The following HAO1 variants were observed in gnomAD, a reference collection of about 807,000 sequenced individuals.
HAO1 encodes the protein hydroxyacid oxidase 1.
In HAO1, 34 loss-of-function variants were observed where a neutral mutation model predicts 39.7. The observed-to-expected ratio is 0.86, with a 90% confidence interval of 0.65 to 1.14. The LOEUF (loss-of-function observed/expected upper bound fraction) is 1.14. Among genes scored for constraint, HAO1 ranks in the 50% most tolerant of loss-of-function variants. The pLI is 0.00. For missense variants in HAO1, 479 were observed against 464.5 expected (o/e 1.03, Z -0.29); for synonymous variants, 172 against 173.2 (o/e 0.99, Z 0.05).
In HAO1 at chr20:7,885,858, C is replaced by CA. The variant is rs1196577212; in HGVS notation, c.819dup (p.Val274CysfsTer26). Reference sequence around the variant, plus strand: ...ACAGCCTCCACAATTTCTGGCAGAACATCAATCTGGGGAAAGAAAAGTTCA... The same window carrying CA: ...ACAGCCTCCACAATTTCTGGCAGAACAATCAATCTGGGGAAAGAAAAGTTCA... On this transcript the variant is annotated frameshift_variant, in exon 6 of 8. Transcript: ENST00000378789. LOFTEE classifies it high-confidence loss of function. 2 of 1,612,730 alleles carry CA rather than the reference C, an allele frequency of 1.2e-6. No homozygotes were observed. The highest frequency in any genetic ancestry group is 4.5e-5 in the East Asian group (2 of 44,846).
intron 2 of HAO1, among the ~76,000 whole-genome samples, chr20:7,924,297 T>C (rs957240146): frequency 6.6e-6 from 1 of 151,952 alleles, no homozygotes; most frequent in African/African-American, 2.4e-5. Flanking sequence ...CAGAAGTGAA[T>C]AATAAATAAA....
intron 3 of HAO1, among the ~76,000 whole-genome samples, chr20:7,911,428 T>C (rs1435428260): frequency 6.6e-6 from 1 of 152,214 alleles, no homozygotes; most frequent in African/African-American, 2.4e-5. Flanking sequence ...GGGCCAAATC[T>C]TAATTCAGGG....
intron 2 of HAO1, among the ~76,000 whole-genome samples, 157 bp from the exon 3 acceptor site, chr20:7,914,576 A>G (rs1568515981): frequency 6.6e-6 from 1 of 152,056 alleles, no homozygotes; most frequent in Non-Finnish European, 1.5e-5. Flanking sequence ...CATACCATCT[A>G]TTTCCTGATT....
chr20:7,923,762 T>C (rs1292286158), intron 2 of HAO1, among the ~76,000 whole-genome samples: 4 of 152,180 alleles, frequency 2.6e-5, no homozygotes, highest in African/African-American at 4.8e-5. Context: ...AGTAGGTCTG[T>C]AGTGCGACCT....
Position 7,899,525 on chromosome 20 carries a change from A to G in HAO1, c.722-4301T>C, listed in dbSNP as rs6055377. 3.8e-3 allele frequency among the ~76,000 whole-genome samples: 577 copies of G among 152,236 alleles called. 2 individuals carry two copies. The highest frequency in any genetic ancestry group is 0.013 in the African/African-American group (554 of 41,564). On this transcript the variant is annotated intron_variant, in intron 4 of 7. Transcript: ENST00000378789. The stretch of plus-strand genomic sequence containing the variant: ...CTCCCATTTGAATTAAATGTTTCTT[A>G]AGTAACAGTCTGTTATCTGCCATCA...
intron 4 of HAO1, among the ~76,000 whole-genome samples, chr20:7,896,071 CA>C (rs985299940): frequency 9.9e-4 from 124 of 125,040 alleles, no homozygotes; most frequent in Non-Finnish European, 1.3e-3. Flanking sequence ...AACTCCGTCT[CA>C]AAAAAAAAAA....
At chr20:7,907,202 C>A (rs2050252522) in intron 3 of HAO1, among the ~76,000 whole-genome samples, 1 of 152,190 alleles carries the variant, frequency 6.6e-6, no homozygotes, top group Non-Finnish European at 1.5e-5. Context: ...CTGACTCAAA[C>A]TTCTCTAATC....
intron 3 of HAO1, among the ~76,000 whole-genome samples, chr20:7,908,536 G>A (rs1169854168): frequency 2.0e-5 from 3 of 152,184 alleles, no homozygotes; most frequent in Non-Finnish European, 4.4e-5. Context: ...AGCTGGTTAT[G>A]TAGCTTAGGT....
intron 5 of HAO1, among the ~76,000 whole-genome samples, chr20:7,888,898 A>T (rs901528888): frequency 7.9e-5 from 12 of 152,128 alleles, no homozygotes; most frequent in African/African-American, 2.9e-4. Context: ...GAGACCTGCC[A>T]CTTCATGAGA....
chr20:7,939,956 C>T (rs1228349167), intron 1 of HAO1, among the ~76,000 whole-genome samples: 3 of 152,182 alleles, frequency 2.0e-5, no homozygotes, highest in Non-Finnish European at 2.9e-5. Flanking sequence ...ACACCATGAA[C>T]ATAAGCATTT....
chr20:7,923,700 T>C (rs945014978), intron 2 of HAO1, among the ~76,000 whole-genome samples: 5 of 152,162 alleles, frequency 3.3e-5, no homozygotes, highest in Non-Finnish European at 7.3e-5. Context: ...TCAGGGCTTC[T>C]CAATCTTTGA....
At chr20:7,912,891 A>G (rs564414017) in intron 3 of HAO1, among the ~76,000 whole-genome samples, 1 of 152,300 alleles carries the variant, frequency 6.6e-6, no homozygotes, top group African/African-American at 2.4e-5. Context: ...TCACACAGCT[A>G]ATTCACACAT....
At chr20:7,932,953 T>G (rs1003272925) in intron 2 of HAO1, among the ~76,000 whole-genome samples, 1 of 152,188 alleles carries the variant, frequency 6.6e-6, no homozygotes, top group East Asian at 1.9e-4. Flanking sequence ...TTTATACTTT[T>G]CTCAACACTG....
chr20:7,931,851 G>C (rs2050387239), intron 2 of HAO1, among the ~76,000 whole-genome samples: 1 of 152,016 alleles, frequency 6.6e-6, no homozygotes, highest in Non-Finnish European at 1.5e-5. Flanking sequence ...GTCTGTCATT[G>C]ACGAGCTATG....
intron 4 of HAO1, among the ~76,000 whole-genome samples, chr20:7,901,841 G>A (rs966435165): frequency 6.6e-6 from 1 of 152,132 alleles, no homozygotes; most frequent in African/African-American, 2.4e-5. Context: ...ACAGGAGGAG[G>A]TCAAAATATC....
At chr20:7,888,857 G>T (rs1433087959) in intron 5 of HAO1, among the ~76,000 whole-genome samples, 1 of 152,130 alleles carries the variant, frequency 6.6e-6, no homozygotes, top group Non-Finnish European at 1.5e-5. Flanking sequence ...TAGATCTCAG[G>T]AGGCCTTGCA....
intron 5 of HAO1, among the ~76,000 whole-genome samples, chr20:7,892,532 A>C (rs987659241): frequency 6.6e-6 from 1 of 152,166 alleles, no homozygotes; most frequent in Non-Finnish European, 1.5e-5. Flanking sequence ...CACTAAATCA[A>C]CCTGCTAGTT....
chr20:7,903,879 T>C (rs989968344), intron 4 of HAO1, among the ~76,000 whole-genome samples: 7 of 128,786 alleles, frequency 5.4e-5, no homozygotes, highest in African/African-American at 1.7e-4. Flanking sequence ...GTGGTGGTGG[T>C]GGTGGTGGTG....
intron 5 of HAO1, among the ~76,000 whole-genome samples, chr20:7,888,295 C>T (rs975110122): frequency 6.6e-6 from 1 of 152,110 alleles, no homozygotes; most frequent in African/African-American, 2.4e-5. Flanking sequence ...TCCTCTTTCT[C>T]ATTTGTGTTC....
Sources: allele counts gnomAD v4.1 joint callset (sites outside exome capture counted in the v4.1 genomes callset), GRCh38; gene constraint gnomAD v4.1.1; transcripts MANE v1.5; gene names NCBI Gene and HGNC (gene_info 2026-07-23, HGNC 2026-07-21).